The following CWF19L2 variants were observed in gnomAD, a reference collection of about 807,000 sequenced individuals.
The protein encoded by CWF19L2 is CWF19 like cell cycle control factor 2, also known as CWF19-like protein 2.
In CWF19L2, 98 loss-of-function variants were observed where a neutral mutation model predicts 111.7. The observed-to-expected ratio is 0.88, with a 90% CI of 0.75 to 1.04. The LOEUF (loss-of-function observed/expected upper bound fraction) is 1.04, where lower values mean the gene tolerates loss of function less well. Among genes scored for constraint, CWF19L2 ranks in the 50% least tolerant of loss-of-function variants. The pLI is 0.00. For missense variants in CWF19L2, 1,101 were observed against 1,051.4 expected (o/e 1.05, Z -0.65); for synonymous variants, 351 against 342.9 (o/e 1.02, Z -0.26).
chr11:107,382,725 G>T (rs552945911), intron 12 of CWF19L2, among the ~76,000 whole-genome samples: 51 of 152,316 alleles, frequency 3.3e-4, no homozygotes, highest in African/African-American at 1.2e-3. Flanking sequence ...CATAGCTATT[G>T]TTACAGTCTT....
chr11:107,451,217 A>T (rs1190680147), intron 3 of CWF19L2, among the ~76,000 whole-genome samples: 3 of 152,166 alleles, frequency 2.0e-5, no homozygotes, highest in African/African-American at 7.2e-5. Flanking sequence ...CTGCAAGTTT[A>T]AAAACTCTTA....
intron 15 of CWF19L2, among the ~76,000 whole-genome samples, chr11:107,336,256 C>T (rs901853809): frequency 1.1e-4 from 16 of 151,976 alleles, no homozygotes; most frequent in African/African-American, 3.9e-4. Flanking sequence ...AAGTGATTCT[C>T]CTGCCTCAGC....
intron 12 of CWF19L2, among the ~76,000 whole-genome samples, chr11:107,384,585 C>A (rs1860737814): frequency 6.6e-6 from 1 of 152,144 alleles, no homozygotes; most frequent in African/African-American, 2.4e-5. Flanking sequence ...GATTTTATAT[C>A]CTAGTCCAGG....
chr11:107,338,683 T>C (rs955563816), intron 14 of CWF19L2, among the ~76,000 whole-genome samples: 1 of 152,174 alleles, frequency 6.6e-6, no homozygotes, highest in Non-Finnish European at 1.5e-5. Context: ...GGTTTTCTGT[T>C]CTGGCATTAG....
At chr11:107,342,731 T>C (rs1348638263) in intron 14 of CWF19L2, among the ~76,000 whole-genome samples, 1 of 152,124 alleles carries the variant, frequency 6.6e-6, no homozygotes, top group African/African-American at 2.4e-5. Context: ...AACATTACCA[T>C]ATATGGCATA....
chr11:107,359,383 T>C (rs902603657), intron 12 of CWF19L2, among the ~76,000 whole-genome samples: 1 of 152,180 alleles, frequency 6.6e-6, no homozygotes, highest in African/African-American at 2.4e-5. Flanking sequence ...GAAGATGTAA[T>C]TACAAGTACC....
chr11:107,393,576 C>G (rs1275207638), intron 10 of CWF19L2, among the ~76,000 whole-genome samples: 1 of 152,104 alleles, frequency 6.6e-6, no homozygotes. Context: ...AAAAAGACAC[C>G]TGCACTTGTA....
rs1270812695 is a variant in CWF19L2, at chr11:107,326,709, G to A, written c.*201C>T. 3 of 430,678 alleles carry A rather than the reference G, an allele frequency of 7.0e-6. No homozygotes were observed. The highest frequency in any genetic ancestry group is 1.2e-5 in the Non-Finnish European group (3 of 244,462). 26.7% of individuals were successfully genotyped at this position (430,678 alleles called of 1,614,324 possible). A position where few individuals can be genotyped will look rare whatever the true frequency, so the allele number is the denominator to read the frequency against. ...ATCGAATATATGTTTTTACTCCATG[G>A]TGACTAAAATGAAGTCCATAGATAG... On this transcript the variant is annotated 3_prime_UTR_variant, in exon 18 of 18. Transcript: ENST00000282251.
intron 12 of CWF19L2, among the ~76,000 whole-genome samples, chr11:107,371,142 C>A (rs1860504007): frequency 7.6e-6 from 1 of 132,164 alleles, no homozygotes; most frequent in Non-Finnish European, 1.6e-5. Context: ...GTAGCTGGGA[C>A]TACAGGCACC....
intron 3 of CWF19L2, among the ~76,000 whole-genome samples, chr11:107,447,398 G>A (rs1242073268): frequency 6.6e-6 from 1 of 152,086 alleles, no homozygotes; most frequent in Non-Finnish European, 1.5e-5. Context: ...ACAAGGTCAG[G>A]CAAAGAAAAA....
intron 16 of CWF19L2, among the ~76,000 whole-genome samples, chr11:107,332,471 G>A (rs1008047111): frequency 6.7e-6 from 1 of 149,146 alleles, no homozygotes; most frequent in African/African-American, 2.5e-5. Context: ...ATACAGCAAA[G>A]AAAAACATAA....
At chr11:107,363,179 G>A (rs1860383482) in intron 12 of CWF19L2, among the ~76,000 whole-genome samples, 1 of 152,088 alleles carries the variant, frequency 6.6e-6, no homozygotes, top group East Asian at 1.9e-4. Flanking sequence ...TATGTGAAAA[G>A]ACCAAATCTA....
In CWF19L2 at chr11:107,356,390, A is replaced by G. The variant is rs189514622; in HGVS notation, c.1873-2654T>C. ...GAAAATTTATTTAACACCATTACTGAAAGAATCAGGTAAAAAGATTATTAC... is the reference window on the plus strand; with the variant it reads ...GAAAATTTATTTAACACCATTACTGGAAGAATCAGGTAAAAAGATTATTAC... On this transcript the variant is annotated intron_variant, in intron 12 of 17. Coordinates refer to ENST00000282251, the MANE Select transcript of CWF19L2 (RefSeq NM_152434.3). Among the ~76,000 whole-genome samples, 64 of 152,334 alleles carry G rather than the reference A, an allele frequency of 4.2e-4. No homozygotes were observed. The East Asian group carries it at 7.9e-3, about 19-fold the overall frequency.
At chr11:107,401,296 T>C (rs1860995643) in intron 10 of CWF19L2, among the ~76,000 whole-genome samples, 1 of 152,170 alleles carries the variant, frequency 6.6e-6, no homozygotes, top group African/African-American at 2.4e-5. Context: ...GCTGACGATA[T>C]GATTGTTTAC....
intron 12 of CWF19L2, among the ~76,000 whole-genome samples, chr11:107,359,335 G>A (rs749310091): frequency 6.6e-6 from 1 of 151,912 alleles, no homozygotes; most frequent in Non-Finnish European, 1.5e-5. Context: ...CCATCATTCT[G>A]AAGTAGATGT....
intron 12 of CWF19L2, among the ~76,000 whole-genome samples, chr11:107,382,766 G>C (rs756329374): frequency 6.6e-6 from 1 of 152,192 alleles, no homozygotes; most frequent in Non-Finnish European, 1.5e-5. Flanking sequence ...TCAAGCCTCA[G>C]AGGCAGGCCT....
intron 12 of CWF19L2, among the ~76,000 whole-genome samples, chr11:107,358,411 T>C (rs935750951): frequency 3.3e-5 from 5 of 151,314 alleles, no homozygotes; most frequent in African/African-American, 4.9e-5. Context: ...TGTGTTGGGG[T>C]GCATTCAAAG....
intron 3 of CWF19L2, among the ~76,000 whole-genome samples, chr11:107,443,291 G>A (rs1044183685): frequency 2.0e-5 from 3 of 151,972 alleles, no homozygotes; most frequent in African/African-American, 7.2e-5. Flanking sequence ...GACCAGCCTG[G>A]CAAACATGGT....
intron 9 of CWF19L2, among the ~76,000 whole-genome samples, chr11:107,417,724 A>C (rs187693542): frequency 7.3e-4 from 111 of 151,994 alleles, no homozygotes; most frequent in African/African-American, 2.6e-3. Flanking sequence ...ATTTATTTAG[A>C]AGTAGATAGT....
Sources: allele counts gnomAD v4.1 joint callset (sites outside exome capture counted in the v4.1 genomes callset), GRCh38; gene constraint gnomAD v4.1.1; transcripts MANE v1.5; gene names NCBI Gene and HGNC (gene_info 2026-07-23, HGNC 2026-07-21).